Variants in EXOSC10 observed in about 807,000 individuals in gnomAD.
The protein encoded by EXOSC10 is exosome complex component 10.
A neutral mutation model predicts 126.6 loss-of-function variants in EXOSC10; 94 were observed. The observed-to-expected ratio is 0.74, with a 90% CI of 0.63 to 0.88. The LOEUF (loss-of-function observed/expected upper bound fraction) is 0.88, where lower values mean the gene tolerates loss of function less well. EXOSC10 is among the 40% of genes least tolerant of loss of function. EXOSC10 has a pLI of 0.00. For missense variants in EXOSC10, 1,041 were observed against 1,100.5 expected (o/e 0.95, Z 0.77); for synonymous variants, 395 against 400.8 (o/e 0.99, Z 0.17).
chr1:11,083,742 G>A (rs1391060406), intron 9 of EXOSC10, among the ~76,000 whole-genome samples: 3 of 151,974 alleles, frequency 2.0e-5, no homozygotes, highest in Admixed American at 6.6e-5. Flanking sequence ...TCATCATCTA[G>A]CATTAGGTAT....
At chr1:11,096,342 C>T (rs952326841) in intron 2 of EXOSC10, among the ~76,000 whole-genome samples, 6 of 151,260 alleles carry the variant, frequency 4.0e-5, no homozygotes, top group African/African-American at 1.2e-4. Flanking sequence ...GTAAAGATGA[C>T]GTTTCACCAC....
At chr1:11,068,448 C>A in intron 23 of EXOSC10, 197 bp downstream of exon 23, 1 of 611,330 alleles carries the variant, frequency 1.6e-6, no homozygotes, top group Non-Finnish European at 2.9e-6. Context: ...CCTTTAAAGC[C>A]ACATGCCAGC....
intron 2 of EXOSC10, among the ~76,000 whole-genome samples, chr1:11,097,658 G>A (rs1401519209): frequency 2.6e-5 from 4 of 151,922 alleles, no homozygotes; most frequent in South Asian, 2.1e-4. Context: ...CCTGGGAGGC[G>A]GAGCTTGCAG....
intron 2 of EXOSC10, among the ~76,000 whole-genome samples, chr1:11,097,753 G>A (rs1488807912): frequency 6.6e-6 from 1 of 151,260 alleles, no homozygotes. Context: ...TTGGCTCTAA[G>A]TGTTCACGTC....
intron 5 of EXOSC10, 74 bp downstream of exon 5, chr1:11,090,940 G>T: frequency 6.7e-7 from 1 of 1,487,072 alleles, no homozygotes; most frequent in Non-Finnish European, 9.2e-7. Flanking sequence ...AAAGAAGAGA[G>T]ACCTGTACAC....
chr1:11,068,381 A>AG (rs1294318703), intron 23 of EXOSC10: 4 of 590,554 alleles, frequency 6.8e-6, no homozygotes, highest in Admixed American at 6.0e-5. Context: ...CTGGCCCCAA[A>AG]GGGGGTGCTT....
At chr1:11,090,173 T>C (rs917119114) in intron 6 of EXOSC10, among the ~76,000 whole-genome samples, 1 of 151,996 alleles carries the variant, frequency 6.6e-6, no homozygotes, top group Non-Finnish European at 1.5e-5. Flanking sequence ...AATTTTTGTA[T>C]TTTCAGTAGA....
intron 11 of EXOSC10, 75 bp downstream of exon 11, chr1:11,081,007 C>A: frequency 6.3e-7 from 1 of 1,587,772 alleles, no homozygotes; most frequent in Non-Finnish European, 8.6e-7. Flanking sequence ...ATGTAAGGAG[C>A]AAACCTAAGA....
intron 6 of EXOSC10, among the ~76,000 whole-genome samples, chr1:11,089,474 C>T (rs1640679955): frequency 1.3e-5 from 2 of 150,592 alleles, no homozygotes; most frequent in South Asian, 4.2e-4. Flanking sequence ...CAAAATTAGC[C>T]AGGTGTGGTG....
At chr1:11,074,404 T>G in intron 17 of EXOSC10, 78 bp from the exon 18 acceptor site, 1 of 1,033,862 alleles carries the variant, frequency 9.7e-7, no homozygotes. Flanking sequence ...AGAGCAACAG[T>G]TAACAGTGAT....
chr1:11,095,211 C>CAAAAAAA (rs1222636613), intron 3 of EXOSC10, among the ~76,000 whole-genome samples: 5 of 52,462 alleles, frequency 9.5e-5, no homozygotes, highest in African/African-American at 3.3e-4. Context: ...GACTCCGTCT[C>CAAAAAAA]AAAAAAAAAA....
chr1:11,080,310 G>T (rs561919116), intron 13 of EXOSC10, among the ~76,000 whole-genome samples, 189 bp downstream of exon 13: 1 of 152,100 alleles, frequency 6.6e-6, no homozygotes, highest in Non-Finnish European at 1.5e-5. Flanking sequence ...TTCCAGTTCA[G>T]AAGTTTTAGT....
intron 9 of EXOSC10, 24 bp from the exon 10 acceptor site, chr1:11,082,902 C>A: frequency 1.3e-6 from 2 of 1,589,054 alleles, no homozygotes; most frequent in East Asian, 4.5e-5. Flanking sequence ...CAAAGTCATG[C>A]AGTACACTGG....
intron 20 of EXOSC10, 182 bp from the exon 21 acceptor site, chr1:11,071,155 T>G (rs1639464437): frequency 1.7e-6 from 1 of 589,528 alleles, no homozygotes. Context: ...GCTCAGGTGC[T>G]CTGCCCACCT....
intron 2 of EXOSC10, 57 bp from the exon 3 acceptor site, chr1:11,095,938 CTG>C: frequency 1.7e-5 from 27 of 1,580,196 alleles, no homozygotes; most frequent in Non-Finnish European, 2.3e-5. Context: ...TGTTTACATT[CTG>C]TGAGAGAGAA....
intron 21 of EXOSC10, 121 bp downstream of exon 21, chr1:11,070,779 G>A (rs532246441): frequency 6.2e-5 from 52 of 835,780 alleles, no homozygotes; most frequent in East Asian, 4.5e-4. Context: ...AAGGTGAACC[G>A]GAAAGAAGTC....
intron 14 of EXOSC10, among the ~76,000 whole-genome samples, chr1:11,078,125 CAT>C (rs1286238208): frequency 6.6e-6 from 1 of 152,074 alleles, no homozygotes; most frequent in Non-Finnish European, 1.5e-5. Flanking sequence ...TTAAAAAAAA[CAT>C]AGCTGGGTAT....
At chr1:11,088,797 C>A (rs1640639486) in intron 6 of EXOSC10, among the ~76,000 whole-genome samples, 1 of 152,140 alleles carries the variant, frequency 6.6e-6, no homozygotes, top group Admixed American at 6.5e-5. Flanking sequence ...AGGAAAAGGC[C>A]AATACTAACC....
At chr1:11,074,197 A>G (rs370752252) in intron 18 of EXOSC10, 34 bp downstream of exon 18, 2 of 1,539,900 alleles carry the variant, frequency 1.3e-6, no homozygotes, top group Admixed American at 3.3e-5. Context: ...GCATCTCTGC[A>G]TATCCTGTCA....
Sources: gnomAD v4.1 joint callset for allele counts (sites outside exome capture counted in the v4.1 genomes callset) on GRCh38, gnomAD v4.1.1 for gene constraint, MANE v1.5 for transcripts, NCBI Gene and HGNC (gene_info 2026-07-23, HGNC 2026-07-21) for gene names.